Variants in EYS observed in about 807,000 individuals in gnomAD.
EYS encodes the protein protein eyes shut homolog.
Under a neutral mutation model 282.1 loss-of-function variants are expected in EYS, and 250 were observed. The ratio of observed to expected loss-of-function variants is 0.89; its 90% CI spans 0.80 to 0.98. The LOEUF is 0.98. Among genes scored for constraint, EYS ranks in the 50% least tolerant of loss-of-function variants. EYS has a pLI of 0.00. For synonymous variants in EYS, 1,355 were observed against 1,282.9 expected, an observed-to-expected ratio of 1.06 and a Z score of -1.20; for missense variants, 4,016 against 3,709.0, an observed-to-expected ratio of 1.08 and a Z score of -2.15.
intron 12 of EYS, among the ~76,000 whole-genome samples, chr6:65,127,269 C>CGTA (rs1775747091): frequency 6.6e-6 from 1 of 151,892 alleles, no homozygotes; most frequent in Non-Finnish European, 1.5e-5. Flanking sequence ...TCCCTTACAC[C>CGTA]TAGTAGGGAA....
chr6:64,247,884 T>TAA (rs2150346862), intron 30 of EYS, among the ~76,000 whole-genome samples: 1 of 152,314 alleles, frequency 6.6e-6, no homozygotes, highest in East Asian at 1.9e-4. Context: ...AGCTTTGAAC[T>TAA]AAAACTTCCT....
chr6:64,307,156 A>T, intron 29 of EYS, 74 bp from the exon 30 acceptor site: 1 of 806,814 alleles, frequency 1.2e-6, no homozygotes, highest in Non-Finnish European at 2.0e-6. Context: ...CTTGCTTCAA[A>T]CTGGTCAGGG....
chr6:65,374,058 ATTTT>A (rs1765261896), intron 8 of EYS, among the ~76,000 whole-genome samples: 1 of 152,170 alleles, frequency 6.6e-6, no homozygotes. Flanking sequence ...TATTTCATTA[ATTTT>A]TTGACAGTTT....
At chr6:64,884,685 G>A (rs1474403941) in intron 19 of EYS, among the ~76,000 whole-genome samples, 2 of 151,608 alleles carry the variant, frequency 1.3e-5, no homozygotes, top group East Asian at 3.9e-4. Flanking sequence ...AATGTCAAAA[G>A]AGTATGTACA....
Position 64,520,423 on chromosome 6 carries a change from A to G in EYS, c.5644+69800T>C, listed in dbSNP as rs1301320454. Among the ~76,000 whole-genome samples the G allele has an allele frequency of 2.0e-5, 3 of 151,816 alleles. No homozygotes were observed. The East Asian group carries it at 5.8e-4, about 29-fold the overall frequency. ...GAGATCAGGTAACACTAGGTAAACA[A>G]AAATAAAATAATCCAGCCAAGCATT... On this transcript the variant is annotated intron_variant, in intron 26 of 42. Coordinates refer to ENST00000503581, the MANE Select transcript of EYS (RefSeq NM_001142800.2).
Position 65,399,701 on chromosome 6 carries a change from C to T in EYS, c.1184+2777G>A, listed in dbSNP as rs116139699. Among the ~76,000 whole-genome samples, 990 of 152,062 alleles carry T rather than the reference C, an allele frequency of 6.5e-3. 18 individuals are homozygous for T. The highest frequency in any genetic ancestry group is 0.022 in the African/African-American group (925 of 41,518). Reference sequence around the variant, plus strand: ...TTTGTAAAGAAGTTCAGTATATTTACGTGGAAAGTTTTCAGTTGTAAATAA... The same window carrying T: ...TTTGTAAAGAAGTTCAGTATATTTATGTGGAAAGTTTTCAGTTGTAAATAA... On this transcript the variant is annotated intron_variant, in intron 7 of 42. Transcript: ENST00000503581.
chr6:65,050,131 A>AGG, intron 13 of EYS, among the ~76,000 whole-genome samples: 1 of 151,492 alleles, frequency 6.6e-6, no homozygotes, highest in African/African-American at 2.4e-5. Flanking sequence ...TCTAAAATAA[A>AGG]AATAAGAGAA....
intron 33 of EYS, among the ~76,000 whole-genome samples, chr6:64,016,740 T>G (rs1768911737): frequency 6.6e-6 from 1 of 152,190 alleles, no homozygotes; most frequent in Non-Finnish European, 1.5e-5. Flanking sequence ...CCTCCCACAG[T>G]GCTGGGATTA....
At chr6:64,253,175 A>T (rs1767279393) in intron 30 of EYS, among the ~76,000 whole-genome samples, 1 of 152,180 alleles carries the variant, frequency 6.6e-6, no homozygotes, top group Non-Finnish European at 1.5e-5. Flanking sequence ...AAATAGTTTA[A>T]ATTAAAATTT....
chr6:65,332,370 T>C, intron 11 of EYS: 1 of 967,140 alleles, frequency 1.0e-6, no homozygotes, highest in Non-Finnish European at 1.6e-6. Context: ...TATAAACCTT[T>C]CTATATGTTG....
intron 31 of EYS, among the ~76,000 whole-genome samples, chr6:64,217,748 C>T (rs564476561): frequency 9.0e-4 from 137 of 152,156 alleles, no homozygotes; most frequent in African/African-American, 3.3e-3. Context: ...TTAAACATAT[C>T]TAGGTGGTAC....
chr6:64,330,072 G>A (rs749547456), intron 29 of EYS, among the ~76,000 whole-genome samples: 21 of 152,254 alleles, frequency 1.4e-4, no homozygotes, highest in Admixed American at 4.6e-4. Flanking sequence ...CCAAGTGACC[G>A]CCGTGTCCTG....
chr6:65,684,090 G>A (rs1768922688), intron 1 of EYS, among the ~76,000 whole-genome samples: 2 of 151,890 alleles, frequency 1.3e-5, no homozygotes, highest in African/African-American at 4.8e-5. Flanking sequence ...CATGATACTT[G>A]CCAATCAATT....
At chr6:64,958,970 G>A (rs889496462) in intron 14 of EYS, among the ~76,000 whole-genome samples, 1 of 152,088 alleles carries the variant, frequency 6.6e-6, no homozygotes, top group African/African-American at 2.4e-5. Flanking sequence ...TTGTATATCT[G>A]TAGGTTATAG....
At chr6:65,384,683 G>A (rs910468607) in intron 7 of EYS, among the ~76,000 whole-genome samples, 183 bp from the exon 8 acceptor site, 1 of 151,860 alleles carries the variant, frequency 6.6e-6, no homozygotes, top group African/African-American at 2.4e-5. Flanking sequence ...AAGAATTACA[G>A]TAAACTACAT....
At chr6:64,855,238 T>C (rs1766020553) in intron 19 of EYS, among the ~76,000 whole-genome samples, 2 of 152,080 alleles carry the variant, frequency 1.3e-5, no homozygotes, top group African/African-American at 4.8e-5. Context: ...GATTGGTGTA[T>C]GTTTTTTACC....
intron 31 of EYS, among the ~76,000 whole-genome samples, chr6:64,137,943 A>C (rs7768832): frequency 0.019 from 2,941 of 152,316 alleles, 80 homozygotes; most frequent in African/African-American, 0.066. Context: ...AACTCAGTAT[A>C]TGTGAAGCAC....
At chr6:64,202,139 C>T (rs1765474192) in intron 31 of EYS, among the ~76,000 whole-genome samples, 1 of 152,156 alleles carries the variant, frequency 6.6e-6, no homozygotes, top group Non-Finnish European at 1.5e-5. Context: ...CTGCTATAAC[C>T]TTAGGAGTCT....
At chr6:65,032,909 T>C (rs1307363372) in intron 13 of EYS, among the ~76,000 whole-genome samples, 1 of 148,604 alleles carries the variant, frequency 6.7e-6, no homozygotes, top group African/African-American at 2.4e-5. Context: ...TAAATAATTG[T>C]GACCAAAATG....
Sources: gnomAD v4.1 joint callset for allele counts (sites outside exome capture counted in the v4.1 genomes callset) on GRCh38, gnomAD v4.1.1 for gene constraint, MANE v1.5 for transcripts, NCBI Gene and HGNC (gene_info 2026-07-23, HGNC 2026-07-21) for gene names.